Variants in AKAP6 observed in about 807,000 individuals in gnomAD.
AKAP6 encodes A-kinase anchoring protein 6.
In AKAP6, 58 loss-of-function variants were observed where a neutral mutation model predicts 188.5. The observed-to-expected ratio is 0.31, with a 90% CI of 0.25 to 0.38. The LOEUF is 0.38. AKAP6 is among the 10% of genes least tolerant of loss of function. The probability of loss-of-function intolerance (pLI) is 1.00; values close to 1 mark genes in which losing one functional copy is unlikely to be tolerated. For missense variants in AKAP6, 2,710 were observed against 2,740.0 expected (o/e 0.99, Z 0.24); for synonymous variants, 989 against 998.6 (o/e 0.99, Z 0.18).
At position 32,829,987 on chromosome 14, in the gene AKAP6, A is replaced by G. The variant is rs543567186; in HGVS notation, c.*182A>G. ...CCTTCCAAATGTGTTTTCTCCACAC[A>G]AGCCTTGTGATCTGAATGTGTGCGC... On this transcript the variant is annotated 3_prime_UTR_variant, in exon 14 of 14. Transcript: ENST00000280979. 6.3e-4 allele frequency: 441 copies of G among 702,624 alleles called. No homozygotes were observed. The African/African-American group carries it at 6.6e-3, about 10-fold the overall frequency. The allele number at this position is 702,624 out of a possible 1,614,324, so 43.5% of individuals were successfully genotyped here.
At chr14:32,756,691 C>T (rs149471210) in intron 11 of AKAP6, among the ~76,000 whole-genome samples, 13 of 152,320 alleles carry the variant, frequency 8.5e-5, no homozygotes, top group East Asian at 7.7e-4. Flanking sequence ...CCTAAGGCCA[C>T]AGGGGCCAGC....
intron 1 of AKAP6, among the ~76,000 whole-genome samples, chr14:32,355,827 T>C (rs1006826047): frequency 1.3e-5 from 2 of 152,038 alleles, no homozygotes; most frequent in Non-Finnish European, 2.9e-5. Context: ...TAGGCTGAAG[T>C]CCAGTGATGT....
At chr14:32,550,860 A>C (rs1883428528) in intron 4 of AKAP6, among the ~76,000 whole-genome samples, 1 of 152,138 alleles carries the variant, frequency 6.6e-6, no homozygotes, top group African/African-American at 2.4e-5. Flanking sequence ...TCTAGCCCCC[A>C]TCACCTCCTT....
chr14:32,410,530 A>T (rs112389623), intron 1 of AKAP6, among the ~76,000 whole-genome samples: 2,740 of 152,290 alleles, frequency 0.018, 80 homozygotes, highest in African/African-American at 0.061. Flanking sequence ...ACATGTTCTC[A>T]GGTCCTCCGG....
intron 2 of AKAP6, among the ~76,000 whole-genome samples, chr14:32,523,135 C>G (rs555444378): frequency 2.7e-4 from 37 of 139,232 alleles, no homozygotes; most frequent in African/African-American, 9.3e-4. Context: ...AATGAGAACA[C>G]TTGGACACAG....
At chr14:32,751,477 C>T (rs1213823050) in intron 11 of AKAP6, among the ~76,000 whole-genome samples, 1 of 142,392 alleles carries the variant, frequency 7.0e-6, no homozygotes, top group African/African-American at 2.5e-5. Context: ...TTATGTAGGA[C>T]TAGGTATCTG....
chr14:32,359,461 C>T (rs969093715), intron 1 of AKAP6, among the ~76,000 whole-genome samples: 8 of 151,784 alleles, frequency 5.3e-5, no homozygotes, highest in African/African-American at 1.9e-4. Context: ...CATATGTACC[C>T]TTCACTCATC....
At chr14:32,451,254 G>C (rs896929610) in intron 2 of AKAP6, among the ~76,000 whole-genome samples, 1 of 152,144 alleles carries the variant, frequency 6.6e-6, no homozygotes, top group Non-Finnish European at 1.5e-5. Context: ...AAGAAAACAT[G>C]AGCTTCCTAA....
At chr14:32,687,844 A>G (rs1890000404) in intron 8 of AKAP6, among the ~76,000 whole-genome samples, 3 of 152,128 alleles carry the variant, frequency 2.0e-5, no homozygotes, top group African/African-American at 7.2e-5. Context: ...TGATATTCTG[A>G]CCACTATGTA....
chr14:32,592,798 T>A (rs1885540452), intron 5 of AKAP6, among the ~76,000 whole-genome samples: 1 of 152,124 alleles, frequency 6.6e-6, no homozygotes, highest in South Asian at 2.1e-4. Context: ...GAAGTAGGTA[T>A]TAACATTTCC....
chr14:32,764,958 G>A (rs1172224832), intron 11 of AKAP6, among the ~76,000 whole-genome samples: 4 of 142,698 alleles, frequency 2.8e-5, no homozygotes, highest in East Asian at 2.0e-4. Flanking sequence ...TTTTTGAGAC[G>A]GAATCTCTCT....
intron 2 of AKAP6, 189 bp downstream of exon 2, chr14:32,434,006 A>T (rs1256893138): frequency 1.0e-5 from 6 of 595,480 alleles, no homozygotes; most frequent in Non-Finnish European, 1.4e-5. Context: ...ACATGTGCTG[A>T]TTATCTAGAA....
chr14:32,639,396 AT>A (rs776690975), intron 7 of AKAP6, among the ~76,000 whole-genome samples: 1 of 152,152 alleles, frequency 6.6e-6, no homozygotes, highest in Non-Finnish European at 1.5e-5. Flanking sequence ...TTAATTGTCT[AT>A]TTAGCACTAT....
intron 8 of AKAP6, among the ~76,000 whole-genome samples, chr14:32,680,134 G>A (rs79738957): frequency 0.013 from 2,012 of 152,302 alleles, 52 homozygotes; most frequent in African/African-American, 0.046. Context: ...TTAACAACAA[G>A]CATTGTTCTG....
At chr14:32,722,394 T>A (rs2030590467) in intron 9 of AKAP6, among the ~76,000 whole-genome samples, 1 of 152,164 alleles carries the variant, frequency 6.6e-6, no homozygotes, top group Admixed American at 6.5e-5. Context: ...CCTTTCAATA[T>A]GGACAGGAAG....
chr14:32,651,408 T>C (rs1170971335), intron 7 of AKAP6, among the ~76,000 whole-genome samples: 1 of 152,208 alleles, frequency 6.6e-6, no homozygotes, highest in African/African-American at 2.4e-5. Context: ...CTATGCTATG[T>C]AGGGTTGTAT....
intron 11 of AKAP6, among the ~76,000 whole-genome samples, chr14:32,736,483 A>G (rs1206449228): frequency 2.0e-5 from 3 of 152,128 alleles, no homozygotes; most frequent in Non-Finnish European, 4.4e-5. Flanking sequence ...TGTTTACACA[A>G]TATCTATTTA....
chr14:32,506,453 T>C (rs998572740), intron 2 of AKAP6, among the ~76,000 whole-genome samples: 3 of 152,268 alleles, frequency 2.0e-5, no homozygotes, highest in Admixed American at 2.0e-4. Context: ...ACAGTTGATA[T>C]AGATGTGGTA....
In AKAP6 at chr14:32,547,085, A is replaced by G. The variant is rs975549228; in HGVS notation, c.2346+86A>G. On this transcript the variant is annotated intron_variant, in intron 4 of 13. Transcript: ENST00000280979. The stretch of plus-strand genomic sequence containing the variant: ...GAAGGTCACACTCCTACACTCTATT[A>G]TAAAATGTATGGCTATTTTTGATAA... The G allele has an allele frequency of 5.1e-5, 62 of 1,226,576 alleles. 1 individual carries two copies. The highest frequency in any genetic ancestry group is 5.3e-4 in the Middle Eastern group (2 of 3,748). 76.0% of individuals were successfully genotyped at this position (1,226,576 alleles called of 1,614,324 possible).
Sources: gnomAD v4.1 joint callset for allele counts (sites outside exome capture counted in the v4.1 genomes callset) on GRCh38, gnomAD v4.1.1 for gene constraint, MANE v1.5 for transcripts, NCBI Gene and HGNC (gene_info 2026-07-23, HGNC 2026-07-21) for gene names.